The following SGCZ variants were observed in gnomAD, a reference collection of about 807,000 sequenced individuals.
The protein encoded by SGCZ is zeta-sarcoglycan.
SGCZ carries 40 observed loss-of-function variants against 41.3 expected under a neutral mutation model. That is an observed-to-expected ratio of 0.97 (90% CI 0.75 to 1.26). SGCZ has a LOEUF of 1.26. Ranked by LOEUF, SGCZ falls within the 50% of genes most tolerant of loss-of-function variation. SGCZ has a pLI of 0.00. For missense variants in SGCZ, 552 were observed against 369.8 expected (o/e 1.49, Z -4.04); for synonymous variants, 206 against 137.5 (o/e 1.50, Z -3.49).
intron 1 of SGCZ, among the ~76,000 whole-genome samples, chr8:14,908,766 G>C (rs1314042748): frequency 2.1e-5 from 3 of 142,746 alleles, no homozygotes; most frequent in East Asian, 2.1e-4. Flanking sequence ...AAAAAAAAGA[G>C]AGAGAGATTC....
chr8:14,996,603 T>C (rs780758597), intron 1 of SGCZ, among the ~76,000 whole-genome samples: 2 of 152,148 alleles, frequency 1.3e-5, no homozygotes, highest in South Asian at 2.1e-4. Flanking sequence ...GGAAGTCAGA[T>C]GGTGGAATTC....
At chr8:14,651,404 C>T (rs1197069855) in intron 1 of SGCZ, among the ~76,000 whole-genome samples, 1 of 152,026 alleles carries the variant, frequency 6.6e-6, no homozygotes, top group Non-Finnish European at 1.5e-5. Context: ...ATAGAAGATA[C>T]AACGGAATTT....
chr8:15,025,873 C>G (rs58090412), intron 1 of SGCZ, among the ~76,000 whole-genome samples: 5 of 152,034 alleles, frequency 3.3e-5, no homozygotes, highest in African/African-American at 1.2e-4. Context: ...AGACTATATA[C>G]GAATGTTTAA....
intron 1 of SGCZ, among the ~76,000 whole-genome samples, chr8:14,723,521 C>A (rs1809956587): frequency 6.6e-6 from 1 of 152,104 alleles, no homozygotes; most frequent in African/African-American, 2.4e-5. Context: ...CAGGACAGCT[C>A]CACGGAGCCT....
At chr8:15,171,607 T>G (rs1183087543) in intron 1 of SGCZ, among the ~76,000 whole-genome samples, 2 of 152,226 alleles carry the variant, frequency 1.3e-5, no homozygotes, top group Non-Finnish European at 2.9e-5. Context: ...TCTGCAGCCA[T>G]AAAGTTTATT....
chr8:14,732,297 C>T (rs997743806), intron 1 of SGCZ, among the ~76,000 whole-genome samples: 2 of 152,184 alleles, frequency 1.3e-5, no homozygotes, highest in Admixed American at 1.3e-4. Context: ...ACCATCCACC[C>T]TGCTAAGGAG....
chr8:14,523,811 T>C (rs1423644771), intron 2 of SGCZ, among the ~76,000 whole-genome samples: 2 of 152,152 alleles, frequency 1.3e-5, no homozygotes, highest in African/African-American at 4.8e-5. Flanking sequence ...TAAAAACTAG[T>C]GATGATACGA....
chr8:14,467,015 T>A (rs1047524335), intron 2 of SGCZ, among the ~76,000 whole-genome samples: 1 of 151,884 alleles, frequency 6.6e-6, no homozygotes, highest in Non-Finnish European at 1.5e-5. Context: ...TCTGCATCCC[T>A]TTAGATTCTC....
chr8:14,412,326 A>G (rs1398313420), intron 2 of SGCZ, among the ~76,000 whole-genome samples: 2 of 152,122 alleles, frequency 1.3e-5, no homozygotes, highest in Non-Finnish European at 2.9e-5. Context: ...AGCATTTAGT[A>G]GACTGTGACA....
intron 1 of SGCZ, among the ~76,000 whole-genome samples, chr8:15,220,844 T>C (rs1432867355): frequency 1.3e-5 from 2 of 152,026 alleles, no homozygotes; most frequent in African/African-American, 2.4e-5. Flanking sequence ...TAAAAAAGGA[T>C]GAGTTCATGT....
intron 1 of SGCZ, among the ~76,000 whole-genome samples, chr8:14,558,594 G>C (rs897142295): frequency 1.3e-4 from 19 of 151,236 alleles, no homozygotes; most frequent in Admixed American, 8.6e-4. Flanking sequence ...GAGAGAGAGA[G>C]AGAGAGAGAG....
chr8:14,211,476 C>G (rs1159250665), intron 4 of SGCZ, among the ~76,000 whole-genome samples: 5 of 152,178 alleles, frequency 3.3e-5, no homozygotes, highest in Non-Finnish European at 7.3e-5. Flanking sequence ...GGTTATCAAT[C>G]AGTTCTCACA....
chr8:14,642,268 C>A (rs1352556105), intron 1 of SGCZ, among the ~76,000 whole-genome samples: 1 of 151,664 alleles, frequency 6.6e-6, no homozygotes, highest in East Asian at 2.0e-4. Flanking sequence ...ATAATTGTAA[C>A]AATATCATTA....
intron 1 of SGCZ, among the ~76,000 whole-genome samples, chr8:14,816,196 C>T (rs1382216744): frequency 6.6e-6 from 1 of 152,206 alleles, no homozygotes; most frequent in East Asian, 1.9e-4. Context: ...TCAATGCAGT[C>T]TCGACATATT....
intron 2 of SGCZ, among the ~76,000 whole-genome samples, chr8:14,374,750 G>A (rs1305880361): frequency 1.1e-4 from 16 of 152,134 alleles, no homozygotes; most frequent in Admixed American, 6.5e-5. Context: ...ACTTGGAAAC[G>A]AGAGAAGGAT....
chr8:14,818,158 G>C (rs1330765480), intron 1 of SGCZ, among the ~76,000 whole-genome samples: 2 of 151,982 alleles, frequency 1.3e-5, no homozygotes, highest in Non-Finnish European at 2.9e-5. Flanking sequence ...CTCCCAGCTG[G>C]TCACACTCAC....
intron 3 of SGCZ, among the ~76,000 whole-genome samples, chr8:14,256,813 C>A (rs1374563386): frequency 6.6e-6 from 1 of 152,144 alleles, no homozygotes; most frequent in Admixed American, 6.5e-5. Flanking sequence ...GAAGCTATAT[C>A]ATCAAACTGT....
Position 14,622,773 on chromosome 8 carries a change from A to T in SGCZ, c.40-67847T>A, listed in dbSNP as rs189452155. ...AAACCAGAAGACTAAGGGTGCCAAT[A>T]ATAAATCAAAATAAATTTCACTGAT... On this transcript the variant is annotated intron_variant, in intron 1 of 7. Transcript: ENST00000382080. 7.2e-5 allele frequency among the ~76,000 whole-genome samples: 11 copies of T among 152,320 alleles called. No homozygotes were observed. In the South Asian group the frequency reaches 2.3e-3, roughly 32 times the overall value.
intron 1 of SGCZ, among the ~76,000 whole-genome samples, chr8:14,996,026 C>T (rs1262942636): frequency 6.6e-6 from 1 of 152,034 alleles, no homozygotes; most frequent in Non-Finnish European, 1.5e-5. Flanking sequence ...GCCTCAGCCT[C>T]CCGAGTAGCT....
Sources: gnomAD v4.1 joint callset for allele counts (sites outside exome capture counted in the v4.1 genomes callset) on GRCh38, gnomAD v4.1.1 for gene constraint, MANE v1.5 for transcripts, NCBI Gene and HGNC (gene_info 2026-07-23, HGNC 2026-07-21) for gene names.